The following RBFOX1 variants were observed in gnomAD, a reference collection of about 807,000 sequenced individuals.
RBFOX1 encodes the protein RNA binding protein fox-1 homolog 1.
In RBFOX1, 8 loss-of-function variants were observed where a neutral mutation model predicts 57.7. The observed-to-expected ratio is 0.14, with a 90% confidence interval of 0.08 to 0.25. The LOEUF (loss-of-function observed/expected upper bound fraction) is 0.25. RBFOX1 is among the 10% of genes least tolerant of loss of function. RBFOX1 has a pLI of 1.00. For synonymous variants in RBFOX1, 326 were observed against 222.4 expected (o/e 1.47, Z -4.15); for missense variants, 611 against 548.5 (o/e 1.11, Z -1.14).
intron 3 of RBFOX1, among the ~76,000 whole-genome samples, chr16:6,826,153 C>G (rs1266813719): frequency 6.6e-6 from 1 of 152,074 alleles, no homozygotes; most frequent in Non-Finnish European, 1.5e-5. Context: ...GTTTTCTCAT[C>G]TGGAGAAGAC....
chr16:6,675,310 A>G (rs760160916), intron 3 of RBFOX1, among the ~76,000 whole-genome samples: 3 of 152,140 alleles, frequency 2.0e-5, no homozygotes, highest in Non-Finnish European at 4.4e-5. Context: ...GGCTTTAGGT[A>G]TGCCTAAATG....
Position 5,928,299 on chromosome 16 carries a change from C to T in RBFOX1, c.351+60964C>T, listed in dbSNP as rs891234510. On this transcript the variant is annotated intron_variant, in intron 4 of 19. Coordinates refer to the RBFOX1 transcript ENST00000641259. ...GTCTCACTGTGTTGCTCTGGCTGGT[C>T]TTAAAACTCCTGGCCTCAAATGATC... Among the ~76,000 whole-genome samples, 4 of 151,640 alleles carry T rather than the reference C, an allele frequency of 2.6e-5. No homozygotes were observed. The East Asian group carries it at 7.8e-4, about 30-fold the overall frequency.
chr16:5,494,632 G>A (rs959990487), intron 2 of RBFOX1, among the ~76,000 whole-genome samples: 3 of 152,324 alleles, frequency 2.0e-5, no homozygotes, highest in Admixed American at 6.5e-5. Flanking sequence ...CCTGTGGGCC[G>A]ATGGCAGAGG....
chr16:7,182,074 T>G (rs1160193447), intron 4 of RBFOX1, among the ~76,000 whole-genome samples: 2 of 152,146 alleles, frequency 1.3e-5, no homozygotes, highest in Non-Finnish European at 2.9e-5. Flanking sequence ...ACTGAATGAG[T>G]CTTCAGAAGC....
In RBFOX1 at chr16:7,401,711, CAGTG is replaced by C. The variant is rs555392841; in HGVS notation, c.28-116433_28-116430del. Reference sequence around the variant, plus strand: ...TGCTTGCCTCCAGAATTGAGGATGACAGTGAGGTAATGAGGAAATGTATTTGAAA... The same window carrying C: ...TGCTTGCCTCCAGAATTGAGGATGACAGGTAATGAGGAAATGTATTTGAAA... On this transcript the variant is annotated intron_variant, in intron 4 of 15. Coordinates refer to ENST00000550418, the MANE Select transcript of RBFOX1 (RefSeq NM_018723.4). Among the ~76,000 whole-genome samples the C allele has an allele frequency of 1.8e-4, 28 of 152,186 alleles. 1 individual carries two copies. The South Asian group carries it at 5.4e-3, about 29-fold the overall frequency.
chr16:6,718,273 G>C (rs139654243), intron 3 of RBFOX1, among the ~76,000 whole-genome samples: 1 of 152,154 alleles, frequency 6.6e-6, no homozygotes, highest in African/African-American at 2.4e-5. Flanking sequence ...ACTATTCCAC[G>C]TGCTGGGGTT....
At chr16:7,622,636 A>ATTTTTTTGAAATTTTTTTGAATATTT (rs2059485154) in intron 10 of RBFOX1, among the ~76,000 whole-genome samples, 1 of 151,980 alleles carries the variant, frequency 6.6e-6, no homozygotes, top group Non-Finnish European at 1.5e-5. Context: ...TTTTTTGAAT[A>ATTTTTTTGAAATTTTTTTGAATATTT]TTATGAAAAC....
At chr16:6,918,365 T>G (rs548951143) in intron 3 of RBFOX1, among the ~76,000 whole-genome samples, 20 of 152,200 alleles carry the variant, frequency 1.3e-4, no homozygotes, top group Admixed American at 6.5e-4. Context: ...TGCCATTGTT[T>G]ATGAATTTTT....
rs111916335 is a variant in RBFOX1 at position 6,919,296 on chromosome 16, A to C, written c.-15-132761A>C. ...AGCCATGGCGCCTGGCCCAAGAGGTAATGTTTCTTGACCAATTCCTATTTA... is the reference window on the plus strand; with the variant it reads ...AGCCATGGCGCCTGGCCCAAGAGGTCATGTTTCTTGACCAATTCCTATTTA... On this transcript the variant is annotated intron_variant, in intron 3 of 15. Coordinates refer to ENST00000550418, the MANE Select transcript of RBFOX1 (RefSeq NM_018723.4). Among the ~76,000 whole-genome samples, 659 of 152,208 alleles carry C rather than the reference A, an allele frequency of 4.3e-3. 8 individuals are homozygous for C. Among genetic ancestry groups the C allele is most frequent in the African/African-American group, 0.015 (636 of 41,526 alleles).
chr16:6,784,886 G>T (rs62016101), intron 3 of RBFOX1, among the ~76,000 whole-genome samples: 19,635 of 152,008 alleles, frequency 0.13, 1,551 homozygotes, highest in Admixed American at 0.23. Context: ...GTGAAGGTCG[G>T]CTGGAGTTAT....
intron 3 of RBFOX1, among the ~76,000 whole-genome samples, chr16:5,786,872 G>A (rs2054519300): frequency 6.6e-6 from 1 of 152,128 alleles, no homozygotes; most frequent in East Asian, 1.9e-4. Context: ...ATGGCAGCTT[G>A]CGCCTGTAAT....
chr16:6,767,914 C>CAATAAT (rs71408408), intron 3 of RBFOX1, among the ~76,000 whole-genome samples: 4,445 of 117,790 alleles, frequency 0.038, 118 homozygotes, highest in Middle Eastern at 0.065. Flanking sequence ...GACTCTATCT[C>CAATAAT]AATAATAATA....
chr16:7,541,146 G>A lies in RBFOX1; in HGVS notation c.270+22757G>A, dbSNP rs1392652130. ...CTGACTGCTGTATGTACCTTGAGCA[G>A]CAAGATAATTCACTCTAATTACTCA... On this transcript the variant is annotated intron_variant, in intron 5 of 15. Transcript: ENST00000550418. Among the ~76,000 whole-genome samples, 4 of 152,200 alleles carry A rather than the reference G, an allele frequency of 2.6e-5. No homozygotes were observed. The East Asian group carries it at 7.7e-4, about 29-fold the overall frequency.
At chr16:6,938,904 C>G (rs552777314) in intron 3 of RBFOX1, among the ~76,000 whole-genome samples, 2 of 152,212 alleles carry the variant, frequency 1.3e-5, no homozygotes, top group East Asian at 1.9e-4. Flanking sequence ...TGCACTCCAG[C>G]CTGGGTGACA....
At chr16:7,529,632 C>G (rs558005535) in intron 5 of RBFOX1, among the ~76,000 whole-genome samples, 4 of 152,280 alleles carry the variant, frequency 2.6e-5, no homozygotes, top group African/African-American at 9.6e-5. Flanking sequence ...CTCCTGTTCA[C>G]TACTATTTTA....
chr16:6,029,988 A>T (rs1295956787), intron 1 of RBFOX1, among the ~76,000 whole-genome samples: 1 of 152,050 alleles, frequency 6.6e-6, no homozygotes, highest in Non-Finnish European at 1.5e-5. Context: ...ATCATGTCTC[A>T]CTTCAACCTC....
intron 2 of RBFOX1, among the ~76,000 whole-genome samples, chr16:6,448,801 A>G (rs1437818951): frequency 6.6e-6 from 1 of 152,156 alleles, no homozygotes; most frequent in East Asian, 1.9e-4. Context: ...TTATCCTATT[A>G]AACATTTTCC....
chr16:6,712,443 C>G (rs1035939611), intron 3 of RBFOX1, among the ~76,000 whole-genome samples: 4 of 152,010 alleles, frequency 2.6e-5, no homozygotes, highest in East Asian at 3.9e-4. Context: ...TTACTGTGTA[C>G]CATCCTAACC....
chr16:7,483,640 A>T (rs12446916), intron 4 of RBFOX1, among the ~76,000 whole-genome samples: 54,326 of 152,010 alleles, frequency 0.36, 11,688 homozygotes, highest in Non-Finnish European at 0.49. Context: ...TAATAGAATA[A>T]TTGCTTATTT....
Sources: gnomAD v4.1 joint callset for allele counts (sites outside exome capture counted in the v4.1 genomes callset) on GRCh38, gnomAD v4.1.1 for gene constraint, MANE v1.5 for transcripts, NCBI Gene and HGNC (gene_info 2026-07-23, HGNC 2026-07-21) for gene names.